The following KIFC3 variants were observed in gnomAD, a reference collection of about 807,000 sequenced individuals.
KIFC3 encodes the protein kinesin family member C3.
KIFC3 carries 60 observed loss-of-function variants against 101.8 expected under a neutral mutation model. The observed-to-expected ratio is 0.59, with a 90% confidence interval of 0.48 to 0.73. The LOEUF (loss-of-function observed/expected upper bound fraction) is 0.73. KIFC3 is among the 30% of genes least tolerant of loss of function. The pLI is 0.00. For missense variants in KIFC3, 966 were observed against 1,137.1 expected, an observed-to-expected ratio of 0.85 and a Z score of 2.16; for synonymous variants, 476 against 482.7, an observed-to-expected ratio of 0.99 and a Z score of 0.18.
chr16:57,792,526 C>G (rs2053959785), intron 3 of KIFC3, among the ~76,000 whole-genome samples: 1 of 152,162 alleles, frequency 6.6e-6, no homozygotes, highest in South Asian at 2.1e-4. Context: ...TCACTGCAAT[C>G]AGAAACAATA....
intron 1 of KIFC3, among the ~76,000 whole-genome samples, chr16:57,862,061 C>A (rs1470964554): frequency 6.6e-6 from 1 of 152,114 alleles, no homozygotes; most frequent in Admixed American, 6.6e-5. Flanking sequence ...CAAGGATGAG[C>A]TTCTGGAAGC....
At chr16:57,775,094 G>A (rs959777416) in intron 3 of KIFC3, 58 of 1,491,302 alleles carry the variant, frequency 3.9e-5, no homozygotes, top group Non-Finnish European at 4.9e-5. Context: ...CCACCTGCCT[G>A]CGGCCCAGGG....
rs2050849634 is a variant in KIFC3 at position 57,769,186 on chromosome 16, C to T, written c.1218+409G>A. ...GTAGCTGGAATTAACAGGCACCTGC[C>T]ACCCATGCCCAGCTAATTTTTGTAA... On this transcript the variant is annotated intron_variant, in intron 9 of 19. Coordinates refer to ENST00000445690, the MANE Select transcript of KIFC3 (RefSeq NM_001130100.2). This position sits in a 1 kb window ranked among gnomAD's most constrained non-coding sequence, Gnocchi z 4.3. Among the ~76,000 whole-genome samples, 1 of 152,116 alleles carries T rather than the reference C, an allele frequency of 6.6e-6. No homozygotes were observed. The highest frequency in any genetic ancestry group is 1.5e-5 in the Non-Finnish European group (1 of 68,030).
Position 57,811,422 on chromosome 16 carries a change from G to C in KIFC3, c.109-13140C>G, listed in dbSNP as rs540809569. ...GGAAGGAGGGAGGACAGGAGAGAGA[G>C]AGACCTACACAGAGGTCAGGCCAAG... On this transcript the variant is annotated intron_variant, in intron 1 of 2. Coordinates refer to the KIFC3 transcript ENST00000563028. 3.3e-5 allele frequency among the ~76,000 whole-genome samples: 5 copies of C among 152,238 alleles called. 1 individual carries two copies. The South Asian group carries it at 1.0e-3, about 32-fold the overall frequency.
intron 1 of KIFC3, among the ~76,000 whole-genome samples, chr16:57,813,255 G>A (rs1195874932): frequency 6.6e-6 from 1 of 152,110 alleles, no homozygotes; most frequent in Non-Finnish European, 1.5e-5. Flanking sequence ...TTGAACTCGG[G>A]ATGCGGAGGT....
In KIFC3 at chr16:57,797,914, C is replaced by A; in HGVS notation, c.172+158G>T. 7 of 1,500,510 alleles carry A rather than the reference C, an allele frequency of 4.7e-6. No homozygotes were observed. The South Asian group carries it at 6.6e-5, about 14-fold the overall frequency. The allele number at this position is 1,500,510 out of a possible 1,614,324, so 92.9% of individuals were successfully genotyped here. A position where few individuals can be genotyped will look rare whatever the true frequency, so the allele number is the denominator to read the frequency against. ...GAAGGAGCGCCCGGCGAGACTGACG[C>A]TCCGGCTCCACGCCCGCCTGGCTCT... On this transcript the variant is annotated intron_variant, in intron 2 of 19. Coordinates refer to ENST00000445690, the MANE Select transcript of KIFC3 (RefSeq NM_001130100.2).
At chr16:57,776,045 C>T in intron 3 of KIFC3, 1 of 985,470 alleles carries the variant, frequency 1.0e-6, no homozygotes, top group Non-Finnish European at 1.2e-6. Flanking sequence ...GCCAGCCAGC[C>T]CAGGTCTTTG....
At chr16:57,794,955 C>G in intron 3 of KIFC3, 44 bp downstream of exon 3, 2 of 1,490,660 alleles carry the variant, frequency 1.3e-6, no homozygotes, top group Non-Finnish European at 1.8e-6. Flanking sequence ...CACTGGAGCT[C>G]AGAGAGCCAA....
chr16:57,773,805 G>A (rs2051626286), intron 3 of KIFC3: 2 of 152,188 alleles, frequency 1.3e-5, no homozygotes. Flanking sequence ...ACAAGTCTGT[G>A]TCATCAAACA....
intron 1 of KIFC3, among the ~76,000 whole-genome samples, chr16:57,850,465 GTTTTTTTTTTTTT>G (rs373157438): frequency 1.2e-5 from 1 of 84,080 alleles, no homozygotes; most frequent in Admixed American, 1.8e-4. Flanking sequence ...TTTAAAAAGG[GTTTTTTTTTTTTT>G]TTTTTTTTTT....
chr16:57,825,202 C>A (rs782046611), intron 1 of KIFC3, among the ~76,000 whole-genome samples: 4 of 152,206 alleles, frequency 2.6e-5, no homozygotes, highest in Non-Finnish European at 5.9e-5. Flanking sequence ...TGCTGAGCAG[C>A]GAGTCCCACA....
chr16:57,809,032 C>A (rs563191769), intron 1 of KIFC3, among the ~76,000 whole-genome samples: 1 of 152,332 alleles, frequency 6.6e-6, no homozygotes, highest in South Asian at 2.1e-4. Flanking sequence ...TGGCTCATGC[C>A]TGTAGTCCCA....
chr16:57,833,244 G>C (rs2055620342), intron 1 of KIFC3, among the ~76,000 whole-genome samples: 1 of 152,068 alleles, frequency 6.6e-6, no homozygotes, highest in South Asian at 2.1e-4. Flanking sequence ...TGCCAGGAGG[G>C]CAGAGGGGAC....
At chr16:57,852,488 G>A (rs376841270) in intron 1 of KIFC3, among the ~76,000 whole-genome samples, 11 of 152,314 alleles carry the variant, frequency 7.2e-5, no homozygotes, top group African/African-American at 2.4e-4. Flanking sequence ...CGGGTGCGGT[G>A]CTTCCTCAGC....
intron 1 of KIFC3, among the ~76,000 whole-genome samples, chr16:57,856,900 TC>T (rs2056181823): frequency 6.6e-6 from 1 of 152,190 alleles, no homozygotes; most frequent in Non-Finnish European, 1.5e-5. Context: ...ATAGCTAAAA[TC>T]CTTCCAGAAA....
intron 2 of KIFC3, among the ~76,000 whole-genome samples, chr16:57,796,120 T>G (rs2054301270): frequency 1.3e-5 from 2 of 152,166 alleles, no homozygotes. Flanking sequence ...CTTGAACTCC[T>G]AACCTCAAGT....
At chr16:57,774,732 G>T in intron 3 of KIFC3, 2 of 493,096 alleles carry the variant, frequency 4.1e-6, no homozygotes, top group South Asian at 5.2e-5. Context: ...TTGCCATTTT[G>T]CCCAAGCTGG....
At chr16:57,789,080 C>T (rs1264312728) in intron 3 of KIFC3, among the ~76,000 whole-genome samples, 4 of 152,230 alleles carry the variant, frequency 2.6e-5, no homozygotes, top group African/African-American at 4.8e-5. Flanking sequence ...GGCAACCGTC[C>T]AGTCCCACCA....
At chr16:57,777,773 T>G (rs2052289624) in intron 3 of KIFC3, among the ~76,000 whole-genome samples, 1 of 150,870 alleles carries the variant, frequency 6.6e-6, no homozygotes, top group African/African-American at 2.4e-5. Context: ...AGCAGTGTGG[T>G]ACTGACATTA....
Sources: allele counts gnomAD v4.1 joint callset (sites outside exome capture counted in the v4.1 genomes callset), GRCh38; gene constraint gnomAD v4.1.1; non-coding constraint Gnocchi (gnomAD v3.1); transcripts MANE v1.5; gene names NCBI Gene and HGNC (gene_info 2026-07-23, HGNC 2026-07-21).